The following GGNBP2 variants were observed in gnomAD, a reference collection of about 807,000 sequenced individuals.
The protein encoded by GGNBP2 is gametogenetin-binding protein 2.
A neutral mutation model predicts 85.9 loss-of-function variants in GGNBP2; 10 were observed. The ratio of observed to expected loss-of-function variants is 0.12; its 90% CI spans 0.07 to 0.20. GGNBP2 has a LOEUF of 0.20. Ranked by LOEUF, GGNBP2 falls within the 10% of genes least tolerant of loss-of-function variation. The pLI, the probability that GGNBP2 is intolerant of heterozygous loss-of-function variation, is 1.00. For synonymous variants in GGNBP2, 287 were observed against 285.7 expected, an observed-to-expected ratio of 1.00 and a Z score of -0.05; for missense variants, 595 against 857.8, an observed-to-expected ratio of 0.69 and a Z score of 3.83.
chr17:36,561,060 G>A (rs1267691067), intron 5 of GGNBP2, among the ~76,000 whole-genome samples, 189 bp downstream of exon 5: 2 of 152,064 alleles, frequency 1.3e-5, no homozygotes, highest in East Asian at 3.8e-4. Context: ...AAGTCTCAAT[G>A]TAGATCTGAT....
chr17:36,589,266 C>T lies in GGNBP2; in HGVS notation c.1949C>T (p.Ser650Leu), dbSNP rs2074734449. ...TTTATCTCACAAGATGAAATACAGT[C>T]ATTTATGGCTAATAACCAGTCTTTC... ...EIFISQDEIQSFMANNQSFYS... is the reference protein window; with the variant it reads ...EIFISQDEIQLFMANNQSFYS... Residue 650 changes from serine (S) to leucine (L), a missense_variant, in exon 14 of 14, where the codon TCA becomes TTA. Ser to Leu is a moderately radical substitution (Grantham distance 145). Transcript: ENST00000613102. 4 of 1,612,764 alleles carry T rather than the reference C, an allele frequency of 2.5e-6. No homozygotes were observed. The highest frequency in any genetic ancestry group is 3.4e-6 in the Non-Finnish European group (4 of 1,178,840).
chr17:36,560,304 T>C (rs1328431009), intron 4 of GGNBP2, among the ~76,000 whole-genome samples: 3 of 152,198 alleles, frequency 2.0e-5, no homozygotes, highest in East Asian at 1.9e-4. Context: ...ACTTTGCTCA[T>C]TGGTTGGATG....
chr17:36,571,159 A>G (rs2074520266), intron 6 of GGNBP2, among the ~76,000 whole-genome samples: 1 of 152,190 alleles, frequency 6.6e-6, no homozygotes, highest in Non-Finnish European at 1.5e-5. Flanking sequence ...AAGGCTGGGC[A>G]TTGTGGCTCA....
intron 9 of GGNBP2, among the ~76,000 whole-genome samples, chr17:36,583,387 A>G (rs965399658): frequency 6.6e-6 from 1 of 151,888 alleles, no homozygotes; most frequent in African/African-American, 2.4e-5. Flanking sequence ...TTCTGCATTC[A>G]ATCTGTTTCC....
At chr17:36,547,292 C>G (rs894656751) in intron 2 of GGNBP2, 3 of 152,082 alleles carry the variant, frequency 2.0e-5, no homozygotes, top group Non-Finnish European at 4.4e-5. Flanking sequence ...CTAACATAAA[C>G]ACTTTTCTGA....
intron 4 of GGNBP2, 152 bp from the exon 5 acceptor site, chr17:36,560,621 G>A (rs1252745946): frequency 4.0e-6 from 2 of 493,994 alleles, no homozygotes; most frequent in Admixed American, 4.1e-5. Context: ...AATAACGTGA[G>A]TGCCAGGCAC....
chr17:36,574,106 T>C (rs1192795885), intron 6 of GGNBP2, among the ~76,000 whole-genome samples: 1 of 152,208 alleles, frequency 6.6e-6, no homozygotes, highest in Admixed American at 6.5e-5. Flanking sequence ...TGCCAACGTT[T>C]TTAAGTTTAA....
In GGNBP2 at chr17:36,567,733, A is replaced by G; in HGVS notation, c.598A>G (p.Ser200Gly). ...GGATGAAGTAGTTTTAATTGACTCG[A>G]GTTGTCTTTTAGAAACACTAGAAAC... is the stretch of plus-strand genomic sequence containing the variant. ...CRDEVVLIDSSCLLETLETYL... is the reference protein window; with the variant it reads ...CRDEVVLIDSGCLLETLETYL... The change falls in exon 6 of 14, where the codon AGT (serine) becomes GGT (glycine). Residue 200 changes from serine to glycine, a missense_variant. Ser to Gly is a moderately conservative substitution (Grantham distance 56). This residue lies in a region of GGNBP2 where 216 missense variants were observed against 293.4 expected (regional missense o/e 0.74). Coordinates refer to ENST00000613102, the MANE Select transcript of GGNBP2 (RefSeq NM_024835.5). 3 of 1,609,258 alleles carry G rather than the reference A, an allele frequency of 1.9e-6. No individual in the cohort carries two copies. The highest frequency in any genetic ancestry group is 2.6e-6 in the Non-Finnish European group (3 of 1,175,704).
Position 36,551,035 on chromosome 17 carries a change from T to C in GGNBP2, c.94-3785T>C, listed in dbSNP as rs143270557. Among the ~76,000 whole-genome samples, 151 of 152,322 alleles carry C rather than the reference T, an allele frequency of 9.9e-4. 1 individual carries two copies. Among genetic ancestry groups the C allele is most frequent in the African/African-American group, 3.5e-3 (146 of 41,578 alleles). ...GGACAGAGTATTTAGTTTGAGTGCA[T>C]TGTCTCCAGCCAGAGTAGTGAGTAA... is the stretch of plus-strand genomic sequence containing the variant. On this transcript the variant is annotated intron_variant, in intron 2 of 13. Transcript: ENST00000613102.
At chr17:36,554,352 A>ATT (rs780217291) in intron 2 of GGNBP2, among the ~76,000 whole-genome samples, 887 of 44,520 alleles carry the variant, frequency 0.02, 75 homozygotes, top group Non-Finnish European at 0.024. Context: ...ATGTACTTGA[A>ATT]TTTTTTTTTT....
intron 2 of GGNBP2, chr17:36,547,160 A>G (rs2074263144): frequency 6.6e-6 from 1 of 152,244 alleles, no homozygotes; most frequent in African/African-American, 2.4e-5. Context: ...CATTAGAAGT[A>G]TAATGGACTT....
chr17:36,585,278 C>G, intron 9 of GGNBP2, 22 bp from the exon 10 acceptor site: 1 of 1,605,098 alleles, frequency 6.2e-7, no homozygotes, highest in Admixed American at 1.7e-5. Context: ...TCTTGACTCT[C>G]TCTTAATGTT....
intron 2 of GGNBP2, among the ~76,000 whole-genome samples, chr17:36,549,477 A>AT (rs749857227): frequency 1.3e-5 from 2 of 152,238 alleles, no homozygotes; most frequent in Admixed American, 6.5e-5. Flanking sequence ...AAGTGCTGGG[A>AT]TTACAGGTGT....
intron 4 of GGNBP2, among the ~76,000 whole-genome samples, chr17:36,557,967 C>G (rs2074379246): frequency 6.6e-6 from 1 of 151,966 alleles, no homozygotes; most frequent in South Asian, 2.1e-4. Flanking sequence ...CAAAAATTAG[C>G]TGAGCATGGT....
In GGNBP2 at chr17:36,589,651, T is replaced by TC. The variant is rs200220427; in HGVS notation, c.*240_*241insC. On this transcript the variant is annotated 3_prime_UTR_variant, in exon 14 of 14. Transcript: ENST00000613102. ...TAAGCCATCTCTTTTCATTAAATGT[T>TC]TCTCTTCCTGTGAGACTTACTAAAG... is the stretch of plus-strand genomic sequence containing the variant. 1.2e-3 allele frequency: 628 copies of TC among 526,198 alleles called. 9 individuals carry two copies. The East Asian group carries it at 0.018, about 15-fold the overall frequency. The allele number at this position is 526,198 out of a possible 1,614,324, so 32.6% of individuals were successfully genotyped here.
chr17:36,575,648 A>ATATATATATATATATTTTTTTT (rs374366757), intron 6 of GGNBP2, among the ~76,000 whole-genome samples: 1 of 54,910 alleles, frequency 1.8e-5, no homozygotes, highest in African/African-American at 1.1e-4. Context: ...ATATATATAT[A>ATATATATATATATATTTTTTTT]TTTTTTTTTT....
intron 5 of GGNBP2, among the ~76,000 whole-genome samples, chr17:36,566,149 C>A (rs1184778555): frequency 3.3e-5 from 5 of 152,174 alleles, no homozygotes; most frequent in Admixed American, 2.0e-4. Flanking sequence ...ATTCCTTGGA[C>A]TGTACTGAGA....
chr17:36,562,484 T>C (rs1470635281), intron 5 of GGNBP2, among the ~76,000 whole-genome samples: 2 of 151,902 alleles, frequency 1.3e-5, no homozygotes, highest in African/African-American at 4.8e-5. Flanking sequence ...AAAGTTAATT[T>C]TTAAATATCT....
intron 7 of GGNBP2, chr17:36,578,501 A>G (rs910428222): frequency 4.0e-5 from 11 of 276,346 alleles, no homozygotes; most frequent in Non-Finnish European, 6.1e-5. Flanking sequence ...CCCTCTATCC[A>G]TGCATTATCA....
Sources: allele counts gnomAD v4.1 joint callset (sites outside exome capture counted in the v4.1 genomes callset), GRCh38; gene constraint gnomAD v4.1.1; regional missense constraint gnomAD v4.1.1; transcripts MANE v1.5; gene names NCBI Gene and HGNC (gene_info 2026-07-23, HGNC 2026-07-21).